ACACB: variants seen among roughly 807,000 people sequenced by gnomAD.
ACACB encodes the protein acetyl-CoA carboxylase beta, also known as acetyl-CoA carboxylase 2.
A neutral mutation model predicts 278.8 loss-of-function variants in ACACB; 209 were observed. The ratio of observed to expected loss-of-function variants is 0.75; its 90% CI spans 0.67 to 0.84. The LOEUF is 0.84. ACACB is among the 40% of genes least tolerant of loss of function. The probability of loss-of-function intolerance (pLI) is 0.00; values close to 1 mark genes in which losing one functional copy is unlikely to be tolerated. For synonymous variants in ACACB, 1,174 were observed against 1,285.6 expected, an observed-to-expected ratio of 0.91 and a Z score of 1.86; for missense variants, 2,850 against 3,269.0, an observed-to-expected ratio of 0.87 and a Z score of 3.13.
Position 109,266,317 on chromosome 12 carries a change from G to A in ACACB, c.7332G>A (p.Gln2444=). The A allele has an allele frequency of 6.2e-7, 1 of 1,613,368 alleles. No individual in the cohort carries two copies. The highest frequency in any genetic ancestry group is 8.5e-7 in the Non-Finnish European group (1 of 1,179,960). ...SQHISPAERA[Q]VVHLLSTMDS... ...ACATCAGCCCAGCTGAGCGGGCGCA[G>A]GTCGTTCACCTGCTGTCTACCATGG... is the stretch of plus-strand genomic sequence containing the variant. Residue 2444 remains glutamine, a synonymous_variant, in exon 53 of 53, where the codon CAG becomes CAA. Transcript: ENST00000338432.
At position 109,139,915 on chromosome 12, in the gene ACACB, T is replaced by C. The variant is rs2043059446; in HGVS notation, c.510T>C (p.Phe170=). 6.2e-7 allele frequency: 1 copy of C among 1,614,166 alleles called. No individual in the cohort carries two copies. The highest frequency in any genetic ancestry group is 8.5e-7 in the Non-Finnish European group (1 of 1,180,022). Residue 170 remains phenylalanine (F), a synonymous_variant, in exon 2 of 53, where the codon TTT becomes TTC. Transcript: ENST00000338432. ...TGACCAACTTCATCCTGGGCTCTTT[T>C]GATGACTACTCCTCCGACGAGGACT... ...QLMTNFILGS[F]DDYSSDEDSV...
intron 2 of ACACB, among the ~76,000 whole-genome samples, chr12:109,158,312 G>A (rs1593427451): frequency 6.6e-6 from 1 of 152,062 alleles, no homozygotes; most frequent in South Asian, 2.1e-4. Flanking sequence ...ATTTATAGAT[G>A]GGGAAATTCA....
rs573429560 is a variant in ACACB at position 109,251,289 on chromosome 12, A to G, written c.5791-757A>G. ...TAGAGAGACACTTTAGCAACTGCCT[A>G]ACTATCACCTGATGGTTGCCTTCCT... On this transcript the variant is annotated intron_variant, in intron 41 of 52. Transcript: ENST00000338432. 5.3e-5 allele frequency among the ~76,000 whole-genome samples: 8 copies of G among 152,296 alleles called. 3 individuals are homozygous for G. Among genetic ancestry groups the G allele is most frequent in the African/African-American group, 1.9e-4 (8 of 41,572 alleles).
At position 109,229,093 on chromosome 12, in the gene ACACB, C is replaced by A. The variant is rs563994848; in HGVS notation, c.4001+1604C>A. ...GAGTAGCTGGGACTACAGGCGCACA[C>A]CACCATGCTCGGCTAATTTTTATAT... On this transcript the variant is annotated intron_variant, in intron 28 of 52. Coordinates refer to ENST00000338432, the MANE Select transcript of ACACB (RefSeq NM_001093.4). Among the ~76,000 whole-genome samples, 6 of 152,202 alleles carry A rather than the reference C, an allele frequency of 3.9e-5. No individual in the cohort carries two copies. In the South Asian group the frequency reaches 1.2e-3, roughly 32 times the overall value.
chr12:109,204,991 C>T (rs1243233344), intron 19 of ACACB, among the ~76,000 whole-genome samples: 2 of 152,060 alleles, frequency 1.3e-5, no homozygotes, highest in African/African-American at 4.8e-5. Flanking sequence ...GTACCTGGGA[C>T]CACAGGTTTG....
intron 48 of ACACB, among the ~76,000 whole-genome samples, chr12:109,261,923 T>C (rs918613663): frequency 8.7e-5 from 12 of 137,442 alleles, no homozygotes; most frequent in Non-Finnish European, 1.7e-4. Context: ...ATGTTGGAAA[T>C]GGGAGGACAG....
Position 109,223,901 on chromosome 12 carries a change from G to A in ACACB, c.3879G>A (p.Leu1293=). The A allele has an allele frequency of 6.2e-7, 1 of 1,613,866 alleles. No homozygotes were observed. The highest frequency in any genetic ancestry group is 8.5e-7 in the Non-Finnish European group (1 of 1,179,772). ...HANKVVCMAS[L]EVYVRRGYIA... is the part of the protein sequence containing the mutation. ...ACAAAGTCGTGTGCATGGCGTCCTT[G>A]GAGGTAAGCAGGAGAGGCCCAGAGA... The change falls in exon 27 of 53, where the codon TTG becomes TTA. Residue 1293 remains leucine, a synonymous_variant. Transcript: ENST00000338432.
At chr12:109,128,045 C>T (rs922939736) in intron 1 of ACACB, among the ~76,000 whole-genome samples, 1 of 152,176 alleles carries the variant, frequency 6.6e-6, no homozygotes, top group African/African-American at 2.4e-5. Flanking sequence ...CCTTCAAAGT[C>T]CCAGTGCAGA....
At chr12:109,251,892 C>T (rs2047105463) in intron 41 of ACACB, among the ~76,000 whole-genome samples, 154 bp from the exon 42 acceptor site, 1 of 152,182 alleles carries the variant, frequency 6.6e-6, no homozygotes, top group African/African-American at 2.4e-5. Context: ...GAAGAATAGG[C>T]TTTTGCCTCT....
At chr12:109,210,498 T>C (rs964153685) in intron 21 of ACACB, among the ~76,000 whole-genome samples, 11 of 148,596 alleles carry the variant, frequency 7.4e-5, no homozygotes, top group Middle Eastern at 3.6e-3. Context: ...TATATACATG[T>C]ATGTGTATAT....
chr12:109,150,700 C>G (rs994992754), intron 2 of ACACB, among the ~76,000 whole-genome samples: 1 of 152,186 alleles, frequency 6.6e-6, no homozygotes, highest in African/African-American at 2.4e-5. Flanking sequence ...AGATAGCAGA[C>G]TGGGTGGGCT....
intron 42 of ACACB, among the ~76,000 whole-genome samples, 191 bp from the exon 43 acceptor site, chr12:109,252,824 A>G (rs1003728571): frequency 6.6e-6 from 1 of 152,226 alleles, no homozygotes; most frequent in Non-Finnish European, 1.5e-5. Flanking sequence ...AAAAACAAAC[A>G]AAACACAAAA....
Position 109,259,901 on chromosome 12 carries a change from T to C in ACACB, c.6497-579T>C, listed in dbSNP as rs76062170. Among the ~76,000 whole-genome samples, 182 of 152,314 alleles carry C rather than the reference T, an allele frequency of 1.2e-3. 1 individual carries two copies. Among genetic ancestry groups the C allele is most frequent in the African/African-American group, 4.3e-3 (179 of 41,578 alleles). On this transcript the variant is annotated intron_variant, in intron 47 of 52. Coordinates refer to ENST00000338432, the MANE Select transcript of ACACB (RefSeq NM_001093.4). Reference sequence around the variant, plus strand: ...AGGCAGACAGACCTGCTGTGAGTCCTTGTTAACTGGGTGACATCACTGAGC... The same window carrying C: ...AGGCAGACAGACCTGCTGTGAGTCCCTGTTAACTGGGTGACATCACTGAGC...
chr12:109,145,267 G>A (rs549312894), intron 2 of ACACB, among the ~76,000 whole-genome samples: 1 of 152,252 alleles, frequency 6.6e-6, no homozygotes, highest in South Asian at 2.1e-4. Context: ...CTAAGCACAG[G>A]AGCTCAGCTC....
chr12:109,138,925 G>A (rs2043033229), intron 1 of ACACB, among the ~76,000 whole-genome samples: 1 of 152,154 alleles, frequency 6.6e-6, no homozygotes, highest in East Asian at 1.9e-4. Context: ...CTCATGTAAA[G>A]GACAAGTCAA....
intron 21 of ACACB, among the ~76,000 whole-genome samples, chr12:109,210,553 A>G (rs1393528931): frequency 6.7e-6 from 1 of 148,768 alleles, no homozygotes; most frequent in Non-Finnish European, 1.5e-5. Context: ...GCATGTATAT[A>G]TACATATATA....
chr12:109,222,414 C>T, intron 24 of ACACB, 93 bp from the exon 25 acceptor site: 1 of 1,174,292 alleles, frequency 8.5e-7, no homozygotes, highest in Non-Finnish European at 1.3e-6. Flanking sequence ...AGCCGCCTGG[C>T]TTTTGCGGCA....
In ACACB at chr12:109,139,673, A is replaced by G; in HGVS notation, c.268A>G (p.Asn90Asp). The change falls in exon 2 of 53, where the codon AAC (asparagine) becomes GAC (aspartate). Residue 90 changes from asparagine (N) to aspartate (D), a missense_variant. By Grantham distance (23) the Asn-to-Asp change is conservative (BLOSUM62 1). This residue lies in a region of ACACB where 2,265 missense variants were observed against 2,561.3 expected (regional missense o/e 0.88). Coordinates refer to ENST00000338432, the MANE Select transcript of ACACB (RefSeq NM_001093.4). ...CCCCAAAGATGCCGGTCGGCGGAGA[A>G]ACTCCCTACCACCCTCCCACCAGAA... is the stretch of plus-strand genomic sequence containing the variant. ...KGPKDAGRRR[N>D]SLPPSHQKPP... 1 of 1,613,878 alleles carries G rather than the reference A, an allele frequency of 6.2e-7. No individual in the cohort carries two copies. The highest frequency in any genetic ancestry group is 8.5e-7 in the Non-Finnish European group (1 of 1,179,922).
At chr12:109,206,294 C>T (rs1057058659) in intron 19 of ACACB, among the ~76,000 whole-genome samples, 5 of 151,988 alleles carry the variant, frequency 3.3e-5, no homozygotes, top group South Asian at 2.1e-4. Context: ...ATTAGCTGGG[C>T]GTGGTGGCCT....
Sources: gnomAD v4.1 joint callset for allele counts (sites outside exome capture counted in the v4.1 genomes callset) on GRCh38, gnomAD v4.1.1 for gene constraint, gnomAD v4.1.1 regional missense constraint, MANE v1.5 for transcripts, NCBI Gene and HGNC (gene_info 2026-07-23, HGNC 2026-07-21) for gene names.